Variants in ZBTB11 observed in about 807,000 individuals in gnomAD.
ZBTB11 encodes the protein zinc finger and BTB domain containing 11.
A neutral mutation model predicts 113.1 loss-of-function variants in ZBTB11; 68 were observed. The observed-to-expected ratio is 0.60, with a 90% CI of 0.49 to 0.74. ZBTB11 has a LOEUF of 0.74. ZBTB11 is among the 30% of genes least tolerant of loss of function. ZBTB11 has a pLI of 0.00. For missense variants in ZBTB11, 1,104 were observed against 1,279.4 expected (o/e 0.86, Z 2.09); for synonymous variants, 518 against 452.6 (o/e 1.14, Z -1.83).
At position 101,676,648 on chromosome 3, in the gene ZBTB11, C is replaced by A; in HGVS notation, c.267G>T (p.Arg89=). The change falls in exon 1 of 11, where the codon CGG becomes CGT. Residue 89 remains arginine (R), a synonymous_variant. Transcript: ENST00000312938. ...TGGACAAGTAGTGCCAGGTCTGATG[C>A]CGGGTGTGGTGAGTGCCGCCGGGAC... ...HLGPGGTHHT[R]HQTWHYLSKT... 6.4e-7 allele frequency: 1 copy of A among 1,565,228 alleles called. No individual in the cohort carries two copies. Among genetic ancestry groups the A allele is most frequent in the South Asian group, 1.2e-5 (1 of 85,586 alleles).
In ZBTB11 at chr3:101,653,603, A is replaced by C; in HGVS notation, c.2310-665T>G. Reference sequence around the variant, plus strand: ...TTGGGTGTACTTTCATTAATAACTAAAAATGTATTGATAACAAACTATCTT... The same window carrying C: ...TTGGGTGTACTTTCATTAATAACTACAAATGTATTGATAACAAACTATCTT... On this transcript the variant is annotated intron_variant, in intron 8 of 10. Transcript: ENST00000312938. Among the ~76,000 whole-genome samples, 2 of 152,206 alleles carry C rather than the reference A, an allele frequency of 1.3e-5. 1 individual carries two copies. The highest frequency in any genetic ancestry group is 3.8e-4 in the East Asian group (2 of 5,204).
At position 101,651,439 on chromosome 3, in the gene ZBTB11, A is replaced by G. The variant is rs1256840878; in HGVS notation, c.2889T>C (p.His963=). Residue 963 remains histidine (H), a synonymous_variant, in exon 11 of 11, where the codon CAT becomes CAC. Transcript: ENST00000312938. Reference sequence around the variant, plus strand: ...TGCCTGCTGTTAAGATGCTAACAGCATGTGCCACTTGAGTTCCTTGGTTAT... The same window carrying G: ...TGCCTGCTGTTAAGATGCTAACAGCGTGTGCCACTTGAGTTCCTTGGTTAT... ...QFHNQGTQVA[H]AVSILTAGMQ... is the part of the protein sequence containing the mutation. The G allele has an allele frequency of 9.9e-6, 16 of 1,614,086 alleles. No homozygotes were observed. Among genetic ancestry groups the G allele is most frequent in the Admixed American group, 1.7e-5 (1 of 60,014 alleles).
intron 8 of ZBTB11, 149 bp from the exon 9 acceptor site, chr3:101,653,087 C>T (rs965272288): frequency 6.1e-5 from 52 of 852,332 alleles, no homozygotes; most frequent in Middle Eastern, 5.5e-4. Flanking sequence ...TACATAAAGG[C>T]TACAGGGTTT....
chr3:101,656,311 A>G, intron 6 of ZBTB11, 63 bp from the exon 7 acceptor site: 1 of 1,026,742 alleles, frequency 9.7e-7, no homozygotes, highest in South Asian at 3.6e-5. Context: ...CTGAACAATG[A>G]AGACAGAGAA....
chr3:101,668,245 T>C (rs1328720954), intron 3 of ZBTB11, among the ~76,000 whole-genome samples: 1 of 151,904 alleles, frequency 6.6e-6, no homozygotes, highest in East Asian at 1.9e-4. Flanking sequence ...GATTAATAGA[T>C]ACAAAATTAC....
At chr3:101,662,770 T>TC (rs1936913855) in intron 5 of ZBTB11, among the ~76,000 whole-genome samples, 1 of 150,884 alleles carries the variant, frequency 6.6e-6, no homozygotes, top group Non-Finnish European at 1.5e-5. Flanking sequence ...AAAATTGTCT[T>TC]TTTTTTTTGG....
rs770467197 is a variant in ZBTB11 at position 101,665,455 on chromosome 3, C to G, written c.1132G>C (p.Gly378Arg). Residue 378 changes from glycine (G) to arginine (R), a missense_variant, in exon 4 of 11, where the codon GGA (glycine) becomes CGA (arginine). Physicochemically the swap from Gly to Arg is moderately radical, Grantham distance 125. Transcript: ENST00000312938. Reference protein sequence around the residue: ...NGELPEAEQNGEVGRQPEPQV... With the variant: ...NGELPEAEQNREVGRQPEPQV... ...GGCTCAGGCTGTCGTCCTACCTCTC[C>G]ATTCTGCTCAGCTTCTGGCAATTCT... is the stretch of plus-strand genomic sequence containing the variant. The G allele has an allele frequency of 1.2e-5, 19 of 1,614,078 alleles. No individual in the cohort carries two copies. Among genetic ancestry groups the G allele is most frequent in the Non-Finnish European group, 1.6e-5 (19 of 1,180,030 alleles).
At chr3:101,652,716 C>G in intron 9 of ZBTB11, 45 bp from the exon 10 acceptor site, 1 of 1,610,420 alleles carries the variant, frequency 6.2e-7, no homozygotes, top group Non-Finnish European at 8.5e-7. Flanking sequence ...AAAGAAGTAG[C>G]AGCCATAACA....
At chr3:101,676,533 T>A in intron 1 of ZBTB11, 72 bp downstream of exon 1, 8 of 1,400,688 alleles carry the variant, frequency 5.7e-6, no homozygotes, top group Non-Finnish European at 6.6e-6. Flanking sequence ...TGGGTACGCA[T>A]AGGCCTCGCC....
intron 6 of ZBTB11, among the ~76,000 whole-genome samples, chr3:101,658,789 G>A (rs1936840675): frequency 6.6e-6 from 1 of 152,122 alleles, no homozygotes; most frequent in South Asian, 2.1e-4. Flanking sequence ...TACACCCTGG[G>A]TATAGTGTAT....
chr3:101,664,762 A>G, intron 4 of ZBTB11, 48 bp from the exon 5 acceptor site: 1 of 1,527,626 alleles, frequency 6.5e-7, no homozygotes, highest in African/African-American at 1.4e-5. Context: ...CTCAATTTTA[A>G]TTTTTAAAGT....
At chr3:101,658,053 C>T (rs1052604851) in intron 6 of ZBTB11, among the ~76,000 whole-genome samples, 1 of 151,956 alleles carries the variant, frequency 6.6e-6, no homozygotes, top group Non-Finnish European at 1.5e-5. Context: ...TACAACAGCA[C>T]AATTCAGTTG....
intron 8 of ZBTB11, among the ~76,000 whole-genome samples, chr3:101,653,478 T>C (rs1367734298): frequency 6.6e-6 from 1 of 152,198 alleles, no homozygotes; most frequent in Non-Finnish European, 1.5e-5. Context: ...GTCTTGTCCA[T>C]ATGGTGCCTC....
chr3:101,667,013 G>C (rs905851443), intron 3 of ZBTB11, among the ~76,000 whole-genome samples: 3 of 152,140 alleles, frequency 2.0e-5, no homozygotes, highest in Non-Finnish European at 2.9e-5. Flanking sequence ...CCTCCCAAAA[G>C]TGCTGGGATT....
At chr3:101,654,676 C>G (rs1295314092) in intron 8 of ZBTB11, 28 bp downstream of exon 8, 2 of 1,547,662 alleles carry the variant, frequency 1.3e-6, no homozygotes, top group Non-Finnish European at 1.8e-6. Context: ...ATTAAATTAA[C>G]TGAATGCCTC....
intron 7 of ZBTB11, 123 bp downstream of exon 7, chr3:101,655,981 C>T (rs1357399413): frequency 2.4e-6 from 2 of 850,862 alleles, no homozygotes; most frequent in Non-Finnish European, 3.3e-6. Flanking sequence ...ATTTAAAATA[C>T]TGTCTCAATA....
chr3:101,658,265 G>A (rs969442858), intron 6 of ZBTB11, among the ~76,000 whole-genome samples: 5 of 147,430 alleles, frequency 3.4e-5, no homozygotes, highest in South Asian at 2.1e-4. Context: ...TCACTCTGTC[G>A]CCCAGGCTAG....
Position 101,656,189 on chromosome 3 carries a change from TTGA to T in ZBTB11, c.2103_2105del (p.His701del). ...GTTCACACTGGAACTGCTTCTGTGA[TTGA>T]TGAAGACTCTGATGTAATTTTAGAC... is the stretch of plus-strand genomic sequence containing the variant. On this transcript the variant is annotated inframe_deletion, in exon 7 of 11. Transcript: ENST00000312938. 1 of 1,602,762 alleles carries T rather than the reference TTGA, an allele frequency of 6.2e-7. No individual in the cohort carries two copies. The highest frequency in any genetic ancestry group is 1.1e-5 in the South Asian group (1 of 89,476).
intron 5 of ZBTB11, among the ~76,000 whole-genome samples, chr3:101,662,661 T>C (rs1209697525): frequency 3.3e-5 from 5 of 152,198 alleles, no homozygotes; most frequent in Non-Finnish European, 5.9e-5. Flanking sequence ...ATGGTTGTTT[T>C]GTAAACGTAA....
Sources: gnomAD v4.1 joint callset for allele counts (sites outside exome capture counted in the v4.1 genomes callset) on GRCh38, gnomAD v4.1.1 for gene constraint, MANE v1.5 for transcripts, NCBI Gene and HGNC (gene_info 2026-07-23, HGNC 2026-07-21) for gene names.